The following ATP2C2 variants were observed in gnomAD, a reference collection of about 807,000 sequenced individuals.
ATP2C2 encodes ATPase secretory pathway Ca2+ transporting 2.
In ATP2C2, 171 loss-of-function variants were observed where a neutral mutation model predicts 110.8. The ratio of observed to expected loss-of-function variants is 1.54; its 90% CI spans 1.36 to 1.75. ATP2C2 has a LOEUF of 1.75. Ranked by LOEUF, ATP2C2 falls within the 40% of genes most tolerant of loss-of-function variation. The pLI is 0.00. For missense variants in ATP2C2, 1,963 were observed against 1,235.0 expected (o/e 1.59, Z -8.84); for synonymous variants, 804 against 508.4 (o/e 1.58, Z -7.82).
chr16:84,420,522 T>C (rs1025397694), intron 7 of ATP2C2, among the ~76,000 whole-genome samples: 1 of 151,788 alleles, frequency 6.6e-6, no homozygotes, highest in African/African-American at 2.4e-5. Context: ...GTTTTAGATT[T>C]GTGGGAAAAT....
rs1184172226 is a variant in ATP2C2 at position 84,442,399 on chromosome 16, G to T, written c.1312-111G>T. 11 of 969,520 alleles carry T rather than the reference G, an allele frequency of 1.1e-5. No individual in the cohort carries two copies. The African/African-American group carries it at 1.3e-4, about 11-fold the overall frequency. 60.1% of individuals were successfully genotyped at this position (969,520 alleles called of 1,614,324 possible). A position where few individuals can be genotyped will look rare whatever the true frequency, so the allele number is the denominator to read the frequency against. ...AGCCGGGACGCTGAGTTGTTTTAAAGAGCAAGTCTTGTCCCCACAACCCCA... is the reference window on the plus strand; with the variant it reads ...AGCCGGGACGCTGAGTTGTTTTAAATAGCAAGTCTTGTCCCCACAACCCCA... On this transcript the variant is annotated intron_variant, in intron 14 of 26. Coordinates refer to ENST00000262429, the MANE Select transcript of ATP2C2 (RefSeq NM_014861.4).
At chr16:84,413,152 C>T (rs539040800) in intron 6 of ATP2C2, among the ~76,000 whole-genome samples, 1 of 151,804 alleles carries the variant, frequency 6.6e-6, no homozygotes, top group South Asian at 2.1e-4. Flanking sequence ...AACAACTCAG[C>T]CCACCCTCTG....
At chr16:84,373,045 A>G (rs11865091) in intron 1 of ATP2C2, among the ~76,000 whole-genome samples, 15,426 of 150,796 alleles carry the variant, frequency 0.1, 879 homozygotes, top group Middle Eastern at 0.16. Flanking sequence ...CTTTGAACCC[A>G]GGAGGCGGAG....
chr16:84,376,405 C>T (rs769603084), intron 1 of ATP2C2, among the ~76,000 whole-genome samples: 3 of 152,204 alleles, frequency 2.0e-5, no homozygotes, highest in Non-Finnish European at 4.4e-5. Context: ...TATTGGTCTC[C>T]ACCACACAAG....
intron 1 of ATP2C2, among the ~76,000 whole-genome samples, chr16:84,395,112 G>GA (rs1904891309): frequency 6.6e-6 from 1 of 152,142 alleles, no homozygotes; most frequent in African/African-American, 2.4e-5. Flanking sequence ...GCTGTGAGCA[G>GA]AGTCCCTGTT....
At chr16:84,411,979 C>A (rs1325219115) in intron 6 of ATP2C2, among the ~76,000 whole-genome samples, 1 of 146,294 alleles carries the variant, frequency 6.8e-6, no homozygotes, top group African/African-American at 2.5e-5. Flanking sequence ...TCTCTTCTTT[C>A]TTTTCCTTTC....
At chr16:84,373,139 A>C (rs1156928288) in intron 1 of ATP2C2, among the ~76,000 whole-genome samples, 1 of 150,334 alleles carries the variant, frequency 6.7e-6, no homozygotes, top group Non-Finnish European at 1.5e-5. Context: ...AAAAAAAGTC[A>C]AATTTATAAT....
chr16:84,373,918 C>T (rs999492175), intron 1 of ATP2C2, among the ~76,000 whole-genome samples: 3 of 152,166 alleles, frequency 2.0e-5, no homozygotes, highest in Non-Finnish European at 4.4e-5. Context: ...ATGACATTTA[C>T]ATTTGTCAGG....
At chr16:84,444,162 C>CA (rs71151217) in intron 15 of ATP2C2, among the ~76,000 whole-genome samples, 8,806 of 103,950 alleles carry the variant, frequency 0.085, 506 homozygotes, top group Non-Finnish European at 0.12. Flanking sequence ...GATCCTGCCT[C>CA]AAAAAAAAAA....
At chr16:84,377,975 C>T (rs1392376891) in intron 1 of ATP2C2, among the ~76,000 whole-genome samples, 1 of 152,084 alleles carries the variant, frequency 6.6e-6, no homozygotes, top group African/African-American at 2.4e-5. Context: ...TCCCTGTGGC[C>T]TATTGGAGAG....
intron 11 of ATP2C2, among the ~76,000 whole-genome samples, chr16:84,434,697 T>A (rs939357328): frequency 1.3e-5 from 2 of 151,622 alleles, no homozygotes; most frequent in African/African-American, 4.8e-5. Context: ...TTTTGTATTT[T>A]GGTAGAGACG....
intron 1 of ATP2C2, among the ~76,000 whole-genome samples, chr16:84,389,133 C>T (rs1377954884): frequency 3.3e-5 from 5 of 152,196 alleles, no homozygotes. Flanking sequence ...TCTTCTCTTT[C>T]TCTGAAACCC....
At chr16:84,411,996 T>C (rs1906350009) in intron 6 of ATP2C2, among the ~76,000 whole-genome samples, 1 of 151,490 alleles carries the variant, frequency 6.6e-6, no homozygotes, top group Non-Finnish European at 1.5e-5. Flanking sequence ...TTTCTTCCTT[T>C]CTTTCTTTTT....
At chr16:84,445,276 T>C (rs977654807) in intron 15 of ATP2C2, among the ~76,000 whole-genome samples, 1 of 151,506 alleles carries the variant, frequency 6.6e-6, no homozygotes, top group Admixed American at 6.6e-5. Flanking sequence ...TGGCTTGATC[T>C]CCGCTCACTG....
Position 84,463,900 on chromosome 16 carries a change from C to G in ATP2C2, c.*168C>G, listed in dbSNP as rs1911658792. ...AGGAACCTCGTGGGCTCCAGGGACCCAGGCCCACATCCATCCAGCGTTCCC... is the reference window on the plus strand; with the variant it reads ...AGGAACCTCGTGGGCTCCAGGGACCGAGGCCCACATCCATCCAGCGTTCCC... On this transcript the variant is annotated 3_prime_UTR_variant, in exon 27 of 27. Coordinates refer to ENST00000262429, the MANE Select transcript of ATP2C2 (RefSeq NM_014861.4). The G allele has an allele frequency of 3.2e-6, 2 of 634,472 alleles. No individual in the cohort carries two copies. The highest frequency in any genetic ancestry group is 2.7e-5 in the East Asian group (1 of 37,378). The allele number at this position is 634,472 out of a possible 1,614,324, so 39.3% of individuals were successfully genotyped here. A position where few individuals can be genotyped will look rare whatever the true frequency, so the allele number is the denominator to read the frequency against.
chr16:84,390,991 G>A (rs1221348229), intron 1 of ATP2C2, among the ~76,000 whole-genome samples: 1 of 151,230 alleles, frequency 6.6e-6, no homozygotes. Context: ...GTGGGCACCT[G>A]TAATCCCAGC....
intron 24 of ATP2C2, chr16:84,461,367 A>C: frequency 2.4e-6 from 1 of 413,096 alleles, no homozygotes; most frequent in Non-Finnish European, 4.4e-6. Flanking sequence ...TCTACTACTG[A>C]CGGCCATCCT....
intron 26 of ATP2C2, 76 bp downstream of exon 26, chr16:84,462,205 G>A (rs1182787640): frequency 2.1e-5 from 32 of 1,557,834 alleles, no homozygotes; most frequent in East Asian, 1.4e-4. Flanking sequence ...GTGGGGAGCT[G>A]CAGCCCAGGA....
chr16:84,414,202 C>T (rs538470958), intron 6 of ATP2C2, among the ~76,000 whole-genome samples: 1 of 152,142 alleles, frequency 6.6e-6, no homozygotes, highest in African/African-American at 2.4e-5. Context: ...CTGGCAGGTG[C>T]TCTTGGCTAC....
Sources: gnomAD v4.1 joint callset for allele counts (sites outside exome capture counted in the v4.1 genomes callset) on GRCh38, gnomAD v4.1.1 for gene constraint, MANE v1.5 for transcripts, NCBI Gene and HGNC (gene_info 2026-07-23, HGNC 2026-07-21) for gene names.